Variants in IKZF1 observed in about 807,000 individuals in gnomAD.
IKZF1 encodes IKAROS family zinc finger 1.
A neutral mutation model predicts 51.7 loss-of-function variants in IKZF1; 10 were observed. That is an observed-to-expected ratio of 0.19 (90% CI 0.12 to 0.33). The LOEUF (loss-of-function observed/expected upper bound fraction) is 0.33, where lower values mean the gene tolerates loss of function less well. Among genes scored for constraint, IKZF1 ranks in the 10% least tolerant of loss-of-function variants. IKZF1 has a pLI of 1.00. For missense variants in IKZF1, 484 were observed against 707.5 expected, an observed-to-expected ratio of 0.68 and a Z score of 3.58; for synonymous variants, 280 against 282.3, an observed-to-expected ratio of 0.99 and a Z score of 0.08.
chr7:50,324,551 C>G (rs990496972), intron 2 of IKZF1, among the ~76,000 whole-genome samples: 2 of 152,024 alleles, frequency 1.3e-5, no homozygotes, highest in Admixed American at 1.3e-4. Flanking sequence ...TTTAGAATTG[C>G]GATCCCTACT....
upstream of IKZF1, chr7:50,304,194 G>C (rs1788215588): frequency 6.7e-6 from 1 of 150,102 alleles, no homozygotes; most frequent in Non-Finnish European, 1.5e-5. Flanking sequence ...GTTTTCGTGC[G>C]CGGCCCCTCT....
At chr7:50,340,373 GA>G (rs1394392149) in intron 3 of IKZF1, among the ~76,000 whole-genome samples, 1 of 152,220 alleles carries the variant, frequency 6.6e-6, no homozygotes, top group African/African-American at 2.4e-5. Flanking sequence ...GATTTCCACT[GA>G]AATCACCAGG....
At chr7:50,341,927 G>A (rs1437141675) in intron 3 of IKZF1, among the ~76,000 whole-genome samples, 12 of 151,686 alleles carry the variant, frequency 7.9e-5, no homozygotes, top group Admixed American at 3.3e-4. Flanking sequence ...CTATTGGACA[G>A]GCAGGCAGAT....
chr7:50,377,448 A>G (rs189112431), intron 4 of IKZF1: 14 of 152,920 alleles, frequency 9.2e-5, no homozygotes, highest in African/African-American at 3.1e-4. Flanking sequence ...GTATAAGAGA[A>G]TGTCATGTTC....
chr7:50,347,869 A>G (rs1800768503), intron 3 of IKZF1, among the ~76,000 whole-genome samples: 1 of 152,226 alleles, frequency 6.6e-6, no homozygotes, highest in East Asian at 1.9e-4. Flanking sequence ...GAGAATAGGT[A>G]TGCGGACGGC....
chr7:50,327,622 T>A lies in IKZF1; in HGVS notation c.41-16T>A, dbSNP rs754363805. The A allele has an allele frequency of 2.5e-6, 4 of 1,602,742 alleles. No individual in the cohort carries two copies. In the African/African-American group the frequency reaches 4.0e-5, roughly 16 times the overall value. ...ACCATGACCGCCCGAGACTCACACT[T>A]CTTCTTTCTCATCAGGGAAGGAAAG... On this transcript the variant is annotated splice_polypyrimidine_tract_variant and intron_variant, in intron 2 of 7. Coordinates refer to ENST00000331340, the MANE Select transcript of IKZF1 (RefSeq NM_006060.6).
At chr7:50,334,510 T>C (rs1000877484) in intron 3 of IKZF1, among the ~76,000 whole-genome samples, 27 of 151,998 alleles carry the variant, frequency 1.8e-4, no homozygotes, top group Non-Finnish European at 3.4e-4. Flanking sequence ...CATGTATGTG[T>C]GTGGTGTGTG....
intron 4 of IKZF1, among the ~76,000 whole-genome samples, chr7:50,378,324 GATC>G (rs1458075459): frequency 6.6e-6 from 1 of 152,122 alleles, no homozygotes; most frequent in Non-Finnish European, 1.5e-5. Context: ...GAAATAGACG[GATC>G]ACACTCAGCC....
chr7:50,335,039 ATGTGTAGTG>A (rs1797320494), intron 3 of IKZF1, among the ~76,000 whole-genome samples: 4 of 137,338 alleles, frequency 2.9e-5, no homozygotes, highest in South Asian at 2.4e-4. Context: ...TGTGGTGTGT[ATGTGTAGTG>A]TGTGTGGTGT....
At chr7:50,382,228 T>G (rs992329192) in intron 4 of IKZF1, among the ~76,000 whole-genome samples, 1 of 152,248 alleles carries the variant, frequency 6.6e-6, no homozygotes, top group Non-Finnish European at 1.5e-5. Context: ...TATTGGTTTA[T>G]TCCAAAACTG....
intron 1 of IKZF1, chr7:50,308,728 AG>A (rs1789411907): frequency 6.6e-6 from 1 of 152,204 alleles, no homozygotes; most frequent in African/African-American, 2.4e-5. Flanking sequence ...TGGAGTGTGA[AG>A]GCAGCAGAGG....
At position 50,376,884 on chromosome 7, in the gene IKZF1, G is replaced by A. The variant is rs1395296908; in HGVS notation, c.421+91G>A. 6.5e-7 allele frequency: 1 copy of A among 1,529,472 alleles called. No individual in the cohort carries two copies. Among genetic ancestry groups the A allele is most frequent in the East Asian group, 2.3e-5 (1 of 43,700 alleles). The allele number at this position is 1,529,472 out of a possible 1,614,324, so 94.7% of individuals were successfully genotyped here. A position where few individuals can be genotyped will look rare whatever the true frequency, so the allele number is the denominator to read the frequency against. On this transcript the variant is annotated intron_variant, in intron 4 of 7. Coordinates refer to ENST00000331340, the MANE Select transcript of IKZF1 (RefSeq NM_006060.6). The surrounding 1 kb of genome is among the most constrained non-coding windows in gnomAD (Gnocchi z 4.5). Reference sequence around the variant, plus strand: ...GCATCCTGTCTTCCTTGTGTTCTGAGCATGTTTCTAATTGACTGGTAGCTC... The same window carrying A: ...GCATCCTGTCTTCCTTGTGTTCTGAACATGTTTCTAATTGACTGGTAGCTC...
rs549938582 is a variant in IKZF1 at position 50,391,718 on chromosome 7, T to G, written c.716-11T>G. ...GCCTTTCTAAACTGGCCTCTCTGTC[T>G]TTGACTTTAGTCATTAAAGAAGAAA... On this transcript the variant is annotated splice_polypyrimidine_tract_variant and intron_variant, in intron 6 of 7. Transcript: ENST00000331340. 6 of 1,613,594 alleles carry G rather than the reference T, an allele frequency of 3.7e-6. No individual in the cohort carries two copies. The African/African-American group carries it at 4.0e-5, about 11-fold the overall frequency.
chr7:50,373,882 T>C (rs983765212), intron 3 of IKZF1, among the ~76,000 whole-genome samples: 5 of 152,198 alleles, frequency 3.3e-5, no homozygotes, highest in Non-Finnish European at 7.3e-5. Flanking sequence ...CCTATCTCCT[T>C]TATTTTCCAA....
At chr7:50,351,251 T>C (rs12719039) in intron 3 of IKZF1, among the ~76,000 whole-genome samples, 38,437 of 152,158 alleles carry the variant, frequency 0.25, 5,481 homozygotes, top group Non-Finnish European at 0.33. Context: ...ATTATGTAAA[T>C]TGGATTTTTT....
intron 5 of IKZF1, 128 bp downstream of exon 5, chr7:50,382,835 G>C (rs967129913): frequency 8.4e-7 from 1 of 1,190,026 alleles, no homozygotes; most frequent in Non-Finnish European, 1.1e-6. Flanking sequence ...GTCCTGCATC[G>C]GGTGTGAGCT....
chr7:50,320,659 T>G (rs187140059), intron 2 of IKZF1, among the ~76,000 whole-genome samples: 2 of 152,194 alleles, frequency 1.3e-5, no homozygotes, highest in South Asian at 4.1e-4. Context: ...ATTTGTTAGT[T>G]TCCACATGTG....
At position 50,329,872 on chromosome 7, in the gene IKZF1, C is replaced by T. The variant is rs142646726; in HGVS notation, c.160+2115C>T. ...TCTCCCTGGAATCCCTGCAGCTGCC[C>T]TTAGAGGCTGTGAGCCATCGTGGCT... On this transcript the variant is annotated intron_variant, in intron 3 of 7. Transcript: ENST00000331340. Among the ~76,000 whole-genome samples, 1,130 of 152,316 alleles carry T rather than the reference C, an allele frequency of 7.4e-3. 12 individuals are homozygous for T. Among genetic ancestry groups the T allele is most frequent in the African/African-American group, 0.026 (1,091 of 41,570 alleles).
At chr7:50,326,986 G>T (rs528670049) in intron 2 of IKZF1, among the ~76,000 whole-genome samples, 13 of 152,344 alleles carry the variant, frequency 8.5e-5, no homozygotes, top group African/African-American at 2.4e-4. Context: ...TGACAGGAGG[G>T]TGTGGTGTGG....
Sources: allele counts gnomAD v4.1 joint callset (sites outside exome capture counted in the v4.1 genomes callset), GRCh38; gene constraint gnomAD v4.1.1; non-coding constraint Gnocchi (gnomAD v3.1); transcripts MANE v1.5; gene names NCBI Gene and HGNC (gene_info 2026-07-23, HGNC 2026-07-21).